RAB6A: variants seen among roughly 807,000 people sequenced by gnomAD.
The protein encoded by RAB6A is RAB6A, member RAS oncogene family.
A neutral mutation model predicts 32.3 loss-of-function variants in RAB6A; 8 were observed. The observed-to-expected ratio is 0.25, with a 90% CI of 0.15 to 0.45. RAB6A has a LOEUF of 0.45. Among genes scored for constraint, RAB6A ranks in the 20% least tolerant of loss-of-function variants. RAB6A has a pLI of 1.00. For synonymous variants in RAB6A, 73 were observed against 82.1 expected (o/e 0.89, Z 0.60); for missense variants, 104 against 249.4 (o/e 0.42, Z 3.93).
At chr11:73,702,427 C>T (rs1945760467) in intron 6 of RAB6A, among the ~76,000 whole-genome samples, 1 of 152,220 alleles carries the variant, frequency 6.6e-6, no homozygotes, top group Non-Finnish European at 1.5e-5. Flanking sequence ...CCACATCCAC[C>T]TCCTGAAGTG....
intron 1 of RAB6A, among the ~76,000 whole-genome samples, chr11:73,739,284 A>AAAAATATAT (rs1208877325): frequency 1.0e-3 from 7 of 6,738 alleles, no homozygotes; most frequent in Non-Finnish European, 1.4e-3. Flanking sequence ...AAAAAAAAAA[A>AAAAATATAT]ATATATATAT....
intron 6 of RAB6A, among the ~76,000 whole-genome samples, chr11:73,690,968 T>A (rs1297738234): frequency 2.8e-5 from 4 of 142,474 alleles, no homozygotes; most frequent in Non-Finnish European, 6.0e-5. Context: ...TCAGGCCTGA[T>A]AGGTTAAGCA....
intron 2 of RAB6A, among the ~76,000 whole-genome samples, chr11:73,728,356 T>G (rs576470160): frequency 5.9e-5 from 9 of 152,164 alleles, no homozygotes. Flanking sequence ...GTTTTTATCA[T>G]GAAACGCTGC....
chr11:73,738,194 G>C (rs1664063895), intron 1 of RAB6A, among the ~76,000 whole-genome samples: 2 of 151,806 alleles, frequency 1.3e-5, no homozygotes, highest in African/African-American at 4.8e-5. Flanking sequence ...TTTTAATAGA[G>C]ACAAGGTCTC....
chr11:73,740,275 A>C (rs1395231739), intron 1 of RAB6A, among the ~76,000 whole-genome samples: 7 of 152,178 alleles, frequency 4.6e-5, no homozygotes, highest in Non-Finnish European at 7.3e-5. Context: ...ATATGCTATG[A>C]TTGTAGTAAC....
intron 6 of RAB6A, among the ~76,000 whole-genome samples, chr11:73,691,247 A>T (rs2134883234): frequency 6.6e-6 from 1 of 152,294 alleles, no homozygotes; most frequent in African/African-American, 2.4e-5. Context: ...TCCTGGTGGG[A>T]AACTTCAGTG....
chr11:73,695,353 A>G (rs951020096), intron 6 of RAB6A, among the ~76,000 whole-genome samples: 2 of 151,150 alleles, frequency 1.3e-5, no homozygotes, highest in Non-Finnish European at 2.9e-5. Context: ...AAAAATCCTC[A>G]TATTTACTAA....
At chr11:73,705,585 A>C (rs1276995436) in intron 6 of RAB6A, among the ~76,000 whole-genome samples, 3 of 152,046 alleles carry the variant, frequency 2.0e-5, no homozygotes, top group African/African-American at 7.2e-5. Flanking sequence ...AAATATATAT[A>C]AGAAATAGAA....
chr11:73,680,610 C>G (rs567560223), intron 6 of RAB6A, among the ~76,000 whole-genome samples: 12 of 152,192 alleles, frequency 7.9e-5, no homozygotes, highest in African/African-American at 2.6e-4. Context: ...CAAGATCACG[C>G]CACTGCATTC....
chr11:73,729,054 ATTAG>A (rs1199859247), intron 2 of RAB6A, among the ~76,000 whole-genome samples: 1 of 152,076 alleles, frequency 6.6e-6, no homozygotes, highest in Non-Finnish European at 1.5e-5. Context: ...CTGTCATCTA[ATTAG>A]TTAGCATTTA....
At chr11:73,741,176 G>A (rs781036751) in intron 1 of RAB6A, among the ~76,000 whole-genome samples, 15 of 149,424 alleles carry the variant, frequency 1.0e-4, no homozygotes, top group Admixed American at 1.3e-4. Flanking sequence ...TTGCTCTGTC[G>A]CCCAGGCTGG....
At chr11:73,692,577 A>G (rs1945587533) in intron 6 of RAB6A, among the ~76,000 whole-genome samples, 1 of 151,512 alleles carries the variant, frequency 6.6e-6, no homozygotes, top group African/African-American at 2.4e-5. Flanking sequence ...GAAGTATAAA[A>G]GGGATTTCAA....
intron 6 of RAB6A, among the ~76,000 whole-genome samples, chr11:73,685,554 TG>T (rs1336414465): frequency 2.0e-5 from 2 of 101,166 alleles, no homozygotes; most frequent in African/African-American, 3.4e-5. Flanking sequence ...CCCAAAGTGC[TG>T]GGATTACAAG....
At chr11:73,743,005 A>G (rs1461726740) in intron 1 of RAB6A, among the ~76,000 whole-genome samples, 1 of 151,718 alleles carries the variant, frequency 6.6e-6, no homozygotes, top group African/African-American at 2.4e-5. Flanking sequence ...AGTGAACAAG[A>G]TAAGAAAGCA....
intron 6 of RAB6A, among the ~76,000 whole-genome samples, chr11:73,684,879 C>T (rs921083966): frequency 6.6e-6 from 1 of 152,196 alleles, no homozygotes; most frequent in Non-Finnish European, 1.5e-5. Context: ...AGGATATATA[C>T]ATATTGGAGG....
At chr11:73,679,531 A>T in intron 7 of RAB6A, 123 bp downstream of exon 7, 2 of 1,200,392 alleles carry the variant, frequency 1.7e-6, no homozygotes, top group Non-Finnish European at 2.4e-6. Flanking sequence ...ATGAATTTCT[A>T]TGCCTTTAAG....
Position 73,758,509 on chromosome 11 carries a change from C to T in RAB6A, c.70+2057G>A, listed in dbSNP as rs1946794670. On this transcript the variant is annotated intron_variant, in intron 1 of 7. Coordinates refer to ENST00000336083, the MANE Select transcript of RAB6A (RefSeq NM_198896.2). The stretch of plus-strand genomic sequence containing the variant: ...AAAAATGAAGTCTATTAAAAAAAAT[C>T]TAACCAGGCTTCAGTAATGGAGGGG... Among the ~76,000 whole-genome samples, 3 of 152,120 alleles carry T rather than the reference C, an allele frequency of 2.0e-5. No individual in the cohort carries two copies. The East Asian group carries it at 5.8e-4, about 29-fold the overall frequency.
intron 1 of RAB6A, among the ~76,000 whole-genome samples, chr11:73,738,774 G>A (rs535610211): frequency 5.3e-5 from 8 of 150,696 alleles, no homozygotes; most frequent in Non-Finnish European, 7.4e-5. Flanking sequence ...GCAAAACCCC[G>A]TCTCTACTAA....
rs753465689 is a variant in RAB6A at position 73,730,747 on chromosome 11, T to C, written c.129+18A>G. The C allele has an allele frequency of 1.3e-5, 20 of 1,577,270 alleles. No homozygotes were observed. Among genetic ancestry groups the C allele is most frequent in the Middle Eastern group, 1.7e-4 (1 of 5,976 alleles). On this transcript the variant is annotated intron_variant, in intron 2 of 7. Transcript: ENST00000336083. ...TAACAAAAAATAGACAACAAATAAA[T>C]TGGCAAAAACAAAATACCTGATAGG...
Sources: allele counts gnomAD v4.1 joint callset (sites outside exome capture counted in the v4.1 genomes callset), GRCh38; gene constraint gnomAD v4.1.1; transcripts MANE v1.5; gene names NCBI Gene and HGNC (gene_info 2026-07-23, HGNC 2026-07-21).